Variants in MBD1 observed in about 807,000 individuals in gnomAD.
MBD1 encodes the protein methyl-CpG-binding domain protein 1.
In MBD1, 25 loss-of-function variants were observed where a neutral mutation model predicts 82.6. The ratio of observed to expected loss-of-function variants is 0.30; its 90% CI spans 0.22 to 0.42. The LOEUF is 0.42. Among genes scored for constraint, MBD1 ranks in the 10% least tolerant of loss-of-function variants. MBD1 has a pLI of 1.00. For synonymous variants in MBD1, 301 were observed against 303.7 expected (o/e 0.99, Z 0.09); for missense variants, 627 against 819.6 (o/e 0.76, Z 2.87).
intron 11 of MBD1, 77 bp downstream of exon 11, chr18:50,274,109 G>A: frequency 6.3e-7 from 1 of 1,583,392 alleles, no homozygotes; most frequent in Admixed American, 1.7e-5. Context: ...CACCTACCAA[G>A]CCTGCCCACC....
chr18:50,274,538 A>G (rs1300398765), intron 10 of MBD1, among the ~76,000 whole-genome samples, 185 bp from the exon 11 acceptor site: 1 of 152,136 alleles, frequency 6.6e-6, no homozygotes, highest in African/African-American at 2.4e-5. Flanking sequence ...ATTGGCCACT[A>G]TCACTGTGCC....
chr18:50,281,461 C>T lies in MBD1; in HGVS notation c.-124G>A. The T allele has an allele frequency of 1.7e-6, 1 of 591,318 alleles. No homozygotes were observed. The highest frequency in any genetic ancestry group is 3.0e-6 in the Non-Finnish European group (1 of 331,510). 36.6% of individuals were successfully genotyped at this position (591,318 alleles called of 1,614,324 possible). On this transcript the variant is annotated 5_prime_UTR_variant, in exon 1 of 17. Coordinates refer to ENST00000269468, the MANE Select transcript of MBD1 (RefSeq NM_015846.4). Reference sequence around the variant, plus strand: ...CCCGCCTCGCCCTCCTCCCCTTCCTCCTCCTCCGCGGCCGCCTCCTCTGAA... The same window carrying T: ...CCCGCCTCGCCCTCCTCCCCTTCCTTCTCCTCCGCGGCCGCCTCCTCTGAA...
At chr18:50,275,290 C>G in intron 8 of MBD1, 45 bp from the exon 9 acceptor site, 2 of 1,611,246 alleles carry the variant, frequency 1.2e-6, no homozygotes, top group Non-Finnish European at 1.7e-6. Context: ...TGGCACCAGG[C>G]AGACACAGAA....
At chr18:50,280,139 G>A in intron 1 of MBD1, 122 bp from the exon 2 acceptor site, 2 of 858,722 alleles carry the variant, frequency 2.3e-6, no homozygotes, top group Non-Finnish European at 1.8e-6. Flanking sequence ...CCTGCCACAG[G>A]CAACCAGCCC....
At chr18:50,267,430 G>A, downstream of MBD1, 1 of 591,668 alleles carries the variant, frequency 1.7e-6, no homozygotes, top group Non-Finnish European at 3.1e-6. Context: ...GATATCCTAG[G>A]ATGGGGGCAG....
At chr18:50,281,643 C>T (rs1250182979), upstream of MBD1, 2 of 439,716 alleles carry the variant, frequency 4.5e-6, no homozygotes, top group Non-Finnish European at 8.0e-6. Flanking sequence ...GCCGGCGCTC[C>T]GCAGCGGTGC....
rs1481307007 is a variant in MBD1 at position 50,275,465 on chromosome 18, G to T, written c.792+135C>A. The T allele has an allele frequency of 1.9e-6, 3 of 1,595,900 alleles. No homozygotes were observed. In the African/African-American group the frequency reaches 4.0e-5, roughly 21 times the overall value. ...AGGTGCTGGCAGACAGAGGCAGGTA[G>T]GCGGGGCCAGAAAGGCGAGCATAGG... is the stretch of plus-strand genomic sequence containing the variant. On this transcript the variant is annotated intron_variant, in intron 8 of 16. Transcript: ENST00000269468.
At chr18:50,271,292 C>G in intron 16 of MBD1, 177 bp downstream of exon 16, 2 of 1,484,820 alleles carry the variant, frequency 1.3e-6, no homozygotes, top group Non-Finnish European at 1.8e-6. Context: ...TACTCTTTCT[C>G]TTCCTTTCCC....
chr18:50,280,112 T>C (rs2039638611), intron 1 of MBD1, 95 bp from the exon 2 acceptor site: 1 of 1,312,410 alleles, frequency 7.6e-7, no homozygotes. Flanking sequence ...CCATTAGTGC[T>C]TGCCCAAGCC....
downstream of MBD1, among the ~76,000 whole-genome samples, chr18:50,268,206 A>T (rs1325174193): frequency 6.6e-6 from 1 of 152,192 alleles, no homozygotes; most frequent in Non-Finnish European, 1.5e-5. Context: ...GGCGGCAATG[A>T]AAACGCCTTG....
intron 16 of MBD1, 41 bp downstream of exon 16, chr18:50,271,428 G>A (rs2035474139): frequency 1.2e-6 from 2 of 1,613,788 alleles, no homozygotes; most frequent in East Asian, 2.2e-5. Flanking sequence ...GCCCCTAGTA[G>A]ATCAGTGTTG....
In MBD1 at chr18:50,269,200, A is replaced by C. The variant is rs893991563; in HGVS notation, c.*651T>G. The C allele has an allele frequency of 1.9e-6, 2 of 1,048,878 alleles. No individual in the cohort carries two copies. The highest frequency in any genetic ancestry group is 3.4e-5 in the African/African-American group (2 of 58,760). The allele number at this position is 1,048,878 out of a possible 1,614,324, so 65.0% of individuals were successfully genotyped here. A position where few individuals can be genotyped will look rare whatever the true frequency, so the allele number is the denominator to read the frequency against. On this transcript the variant is annotated 3_prime_UTR_variant, in exon 17 of 17. Transcript: ENST00000269468. ...GTTTTTTCTGGGTGGGCTTCATAGA[A>C]TCTCTGTACTTGCTGGAATCACCAT...
At position 50,273,341 on chromosome 18, in the gene MBD1, G is replaced by A; in HGVS notation, c.1577C>T (p.Pro526Leu). 6.2e-7 allele frequency: 1 copy of A among 1,614,074 alleles called. No homozygotes were observed. The highest frequency in any genetic ancestry group is 8.5e-7 in the Non-Finnish European group (1 of 1,180,018). The change falls in exon 13 of 17, where the codon CCT (proline) becomes CTT (leucine). Residue 526 changes from proline to leucine, a missense_variant. This residue lies in a region of MBD1 where 265 missense variants were observed against 278.4 expected (regional missense o/e 0.95). Transcript: ENST00000269468. Reference protein sequence around the residue: ...LTSPVLVPGCPSKAVDPGLPS... With the variant: ...LTSPVLVPGCLSKAVDPGLPS... The stretch of plus-strand genomic sequence containing the variant: ...ATCCATCACTGCCCCCACCTTGCTA[G>A]GGCAGCCAGGCACCAATACGGGAGA...
At position 50,272,695 on chromosome 18, in the gene MBD1, G is replaced by A. The variant is rs747675537; in HGVS notation, c.1760C>T (p.Thr587Ile). ...FSLGGTRFRD[T>I]AVWLPRSKDL... ...GGCACACCTTGGCAACCAGACTGCTGTATCTCGGAAGCGGGTTCCACCCAG... is the reference window on the plus strand; with the variant it reads ...GGCACACCTTGGCAACCAGACTGCTATATCTCGGAAGCGGGTTCCACCCAG... Residue 587 changes from threonine to isoleucine, a missense_variant, in exon 15 of 17, where the codon ACA becomes ATA. By Grantham distance (89) the Thr-to-Ile change is moderately conservative. This residue lies in a region of MBD1 where 265 missense variants were observed against 278.4 expected (regional missense o/e 0.95). Coordinates refer to ENST00000269468, the MANE Select transcript of MBD1 (RefSeq NM_015846.4). The A allele has an allele frequency of 1.9e-6, 3 of 1,613,988 alleles. No individual in the cohort carries two copies. The highest frequency in any genetic ancestry group is 1.7e-5 in the Admixed American group (1 of 60,008).
rs2038117001 is a variant in MBD1, at chr18:50,276,819, G to C, written c.392+13C>G. 1.2e-6 allele frequency: 2 copies of C among 1,614,064 alleles called. No individual in the cohort carries two copies. The highest frequency in any genetic ancestry group is 1.7e-6 in the Non-Finnish European group (2 of 1,180,048). On this transcript the variant is annotated intron_variant, in intron 4 of 16. Coordinates refer to ENST00000269468, the MANE Select transcript of MBD1 (RefSeq NM_015846.4). ...ACCCTCACCCATCTGGCTCACCTTA[G>C]ACCAACACTCACCCAGGAGCAGGGA...
chr18:50,272,791 G>T, intron 14 of MBD1, 33 bp downstream of exon 14: 1 of 1,614,246 alleles, frequency 6.2e-7, no homozygotes, highest in Non-Finnish European at 8.5e-7. Flanking sequence ...CTACAGCAGG[G>T]TCAGGGCAGG....
At chr18:50,271,969 A>G (rs1343799633) in intron 15 of MBD1, among the ~76,000 whole-genome samples, 6 of 152,078 alleles carry the variant, frequency 3.9e-5, no homozygotes, top group Non-Finnish European at 8.8e-5. Context: ...AGGAGCCAGC[A>G]CTCCTCTGTC....
In MBD1 at chr18:50,269,001, TC is replaced by T. The variant is rs1244294041; in HGVS notation, c.*849del. On this transcript the variant is annotated 3_prime_UTR_variant, in exon 17 of 17. Coordinates refer to ENST00000269468, the MANE Select transcript of MBD1 (RefSeq NM_015846.4). ...GAATTCTATATATTCAGCATTAAATTCCATGATAAAGTTGGAAATCCATTCA... is the reference window on the plus strand; with the variant it reads ...GAATTCTATATATTCAGCATTAAATTCATGATAAAGTTGGAAATCCATTCA... 3.0e-6 allele frequency: 3 copies of T among 985,438 alleles called. No homozygotes were observed. The African/African-American group carries it at 5.2e-5, about 17-fold the overall frequency. The allele number at this position is 985,438 out of a possible 1,614,324, so 61.0% of individuals were successfully genotyped here. A position where few individuals can be genotyped will look rare whatever the true frequency, so the allele number is the denominator to read the frequency against.
rs2034437357 is a variant in MBD1, at chr18:50,269,102, T to A, written c.*749A>T. The A allele has an allele frequency of 1.0e-6, 1 of 1,000,604 alleles. No homozygotes were observed. The highest frequency in any genetic ancestry group is 1.7e-5 in the African/African-American group (1 of 57,420). The allele number at this position is 1,000,604 out of a possible 1,614,324, so 62.0% of individuals were successfully genotyped here. A position where few individuals can be genotyped will look rare whatever the true frequency, so the allele number is the denominator to read the frequency against. On this transcript the variant is annotated 3_prime_UTR_variant, in exon 17 of 17. Coordinates refer to ENST00000269468, the MANE Select transcript of MBD1 (RefSeq NM_015846.4). ...CTTTTGCATTTCTGTATCCTAGTAT[T>A]AAGTACAGTGCCTACCACAGGCCAG...
Sources: allele counts gnomAD v4.1 joint callset (sites outside exome capture counted in the v4.1 genomes callset), GRCh38; gene constraint gnomAD v4.1.1; regional missense constraint gnomAD v4.1.1; transcripts MANE v1.5; gene names NCBI Gene and HGNC (gene_info 2026-07-23, HGNC 2026-07-21).